The following CAMK2B variants were observed in gnomAD, a reference collection of about 807,000 sequenced individuals.
CAMK2B encodes calcium/calmodulin-dependent protein kinase type II subunit beta.
A neutral mutation model predicts 93.7 loss-of-function variants in CAMK2B; 27 were observed. The observed-to-expected ratio is 0.29, with a 90% CI of 0.21 to 0.40. The LOEUF (loss-of-function observed/expected upper bound fraction) is 0.40, where lower values mean the gene tolerates loss of function less well. Ranked by LOEUF, CAMK2B falls within the 10% of genes least tolerant of loss-of-function variation. CAMK2B has a pLI of 1.00. For synonymous variants in CAMK2B, 374 were observed against 358.8 expected (o/e 1.04, Z -0.48); for missense variants, 568 against 895.8 (o/e 0.63, Z 4.67).
intron 1 of CAMK2B, among the ~76,000 whole-genome samples, chr7:44,308,598 C>T (rs981370682): frequency 1.3e-5 from 2 of 152,172 alleles, no homozygotes; most frequent in East Asian, 1.9e-4. Flanking sequence ...CAGGGACACC[C>T]GGAGGGCAGG....
chr7:44,243,210 C>A, intron 8 of CAMK2B, 40 bp downstream of exon 8: 1 of 1,498,962 alleles, frequency 6.7e-7, no homozygotes, highest in Non-Finnish European at 9.3e-7. Flanking sequence ...TCCTGAAACA[C>A]CCGAGGCCCT....
chr7:44,302,938 T>A (rs1252089673), intron 1 of CAMK2B, among the ~76,000 whole-genome samples: 2 of 152,128 alleles, frequency 1.3e-5, no homozygotes, highest in Non-Finnish European at 2.9e-5. Context: ...AAATAAAAGA[T>A]ACACTTATTG....
intron 1 of CAMK2B, among the ~76,000 whole-genome samples, chr7:44,292,839 A>G (rs1787232594): frequency 6.6e-6 from 1 of 152,226 alleles, no homozygotes; most frequent in Admixed American, 6.5e-5. Context: ...GATGAAATGA[A>G]CACATTAACA....
intron 11 of CAMK2B, among the ~76,000 whole-genome samples, chr7:44,241,443 A>G (rs2096677850): frequency 6.6e-6 from 1 of 152,242 alleles, no homozygotes. Flanking sequence ...CGAGCGCTTC[A>G]GGACAGCTCC....
At position 44,234,683 on chromosome 7, in the gene CAMK2B, C is replaced by T; in HGVS notation, c.1022-7G>A. On this transcript the variant is annotated splice_polypyrimidine_tract_variant and splice_region_variant and intron_variant, in intron 13 of 23. Transcript: ENST00000395749. ...TTGTTGAGTAAACTCTTGGCTGCTG[C>T]ATGGGGAGGAAGAAGGTATGGTGAG... 3.7e-6 allele frequency: 6 copies of T among 1,614,030 alleles called. No homozygotes were observed. The highest frequency in any genetic ancestry group is 1.1e-5 in the South Asian group (1 of 91,080).
chr7:44,222,082 TCACA>T (rs1414802913), intron 20 of CAMK2B, among the ~76,000 whole-genome samples: 1 of 151,986 alleles, frequency 6.6e-6, no homozygotes, highest in Non-Finnish European at 1.5e-5. Flanking sequence ...ACATGCACAC[TCACA>T]CACAGAACAC....
At chr7:44,236,002 C>G (rs1456166862) in intron 13 of CAMK2B, among the ~76,000 whole-genome samples, 1 of 152,238 alleles carries the variant, frequency 6.6e-6, no homozygotes, top group East Asian at 1.9e-4. Context: ...GCAGCAGCAG[C>G]AGCAGAATCG....
At chr7:44,247,624 G>A (rs76576593) in intron 5 of CAMK2B, among the ~76,000 whole-genome samples, 1 of 151,426 alleles carries the variant, frequency 6.6e-6, no homozygotes, top group East Asian at 2.0e-4. Flanking sequence ...GCGGCTGGGG[G>A]TGGGGGCAGG....
Position 44,248,289 on chromosome 7 carries a change from G to A in CAMK2B, c.342-1097C>T, listed in dbSNP as rs2096749852. On this transcript the variant is annotated intron_variant, in intron 5 of 23. Coordinates refer to ENST00000395749, the MANE Select transcript of CAMK2B (RefSeq NM_001220.5). This position sits in a 1 kb window ranked among gnomAD's most constrained non-coding sequence, Gnocchi z 4.1. ...CTGGCTGGGAGGAGAGGTCCAAGCTGCTCTCAGGCCACCTCCCTGACACCT... is the reference window on the plus strand; with the variant it reads ...CTGGCTGGGAGGAGAGGTCCAAGCTACTCTCAGGCCACCTCCCTGACACCT... Among the ~76,000 whole-genome samples the A allele has an allele frequency of 6.6e-6, 1 of 152,128 alleles. No individual in the cohort carries two copies. The highest frequency in any genetic ancestry group is 1.5e-5 in the Non-Finnish European group (1 of 68,010).
rs1562755404 is a variant in CAMK2B at position 44,219,282 on chromosome 7, T to TG, written c.*242dup. 7.3e-6 allele frequency: 1 copy of TG among 137,016 alleles called. No homozygotes were observed. The highest frequency in any genetic ancestry group is 2.3e-4 in the South Asian group (1 of 4,358). The allele number at this position is 137,016 out of a possible 1,614,324, so 8.5% of individuals were successfully genotyped here. A position where few individuals can be genotyped will look rare whatever the true frequency, so the allele number is the denominator to read the frequency against. On this transcript the variant is annotated 3_prime_UTR_variant, in exon 24 of 24. Coordinates refer to ENST00000395749, the MANE Select transcript of CAMK2B (RefSeq NM_001220.5). The stretch of plus-strand genomic sequence containing the variant: ...GCTTTTTCCTTCCTTTAGTTTTTTT[T>TG]GTTTTTTTTTTTTTTCATTTCATCT...
At chr7:44,245,118 A>T in intron 6 of CAMK2B, 2 of 377,602 alleles carry the variant, frequency 5.3e-6, no homozygotes, top group East Asian at 7.9e-5. Flanking sequence ...GAAACAGACC[A>T]GCAGTTCTTC....
intron 2 of CAMK2B, 23 bp downstream of exon 2, chr7:44,284,108 G>C: frequency 6.4e-7 from 1 of 1,567,726 alleles, no homozygotes; most frequent in Non-Finnish European, 8.8e-7. Flanking sequence ...CAGCAGCTGC[G>C]CAGGACACTC....
chr7:44,245,482 C>T (rs188951333), intron 6 of CAMK2B, among the ~76,000 whole-genome samples: 3 of 152,352 alleles, frequency 2.0e-5, no homozygotes, highest in Non-Finnish European at 2.9e-5. Context: ...CTGACCTCTA[C>T]TTCTATGCCT....
chr7:44,241,918 T>C (rs1584080795), intron 10 of CAMK2B, 135 bp from the exon 11 acceptor site: 1 of 718,970 alleles, frequency 1.4e-6, no homozygotes, highest in East Asian at 2.6e-5. Context: ...GGGTTGTCTG[T>C]CCCCACCCGC....
chr7:44,252,123 G>A (rs1220196865), intron 5 of CAMK2B, among the ~76,000 whole-genome samples: 1 of 152,120 alleles, frequency 6.6e-6, no homozygotes, highest in African/African-American at 2.4e-5. Context: ...TCAAGGCCGC[G>A]CCTGTGGATT....
chr7:44,284,086 G>A (rs763780895), intron 2 of CAMK2B, 45 bp downstream of exon 2: 19 of 1,459,524 alleles, frequency 1.3e-5, no homozygotes, highest in Non-Finnish European at 1.8e-5. Flanking sequence ...CAAAGCCCCT[G>A]CCCCAGCCTG....
At chr7:44,262,771 A>G (rs12702071) in intron 3 of CAMK2B, among the ~76,000 whole-genome samples, 33,151 of 152,042 alleles carry the variant, frequency 0.22, 3,912 homozygotes, top group Non-Finnish European at 0.27. Flanking sequence ...CCAGAGCCCC[A>G]CCTTGGGGCT....
rs77286453 is a variant in CAMK2B, at chr7:44,310,204, A to G, written c.65+15153T>C. On this transcript the variant is annotated intron_variant, in intron 1 of 23. Coordinates refer to ENST00000395749, the MANE Select transcript of CAMK2B (RefSeq NM_001220.5). ...CAGATCAATCAGATTTCATCCTTCG[A>G]AAGTTTTATTCTCAAGGAATGCAAA... 4.9e-3 allele frequency among the ~76,000 whole-genome samples: 744 copies of G among 152,372 alleles called. 5 individuals carry two copies. Among genetic ancestry groups the G allele is most frequent in the African/African-American group, 0.017 (719 of 41,584 alleles).
At chr7:44,252,773 C>G (rs2096792191) in intron 5 of CAMK2B, among the ~76,000 whole-genome samples, 1 of 152,196 alleles carries the variant, frequency 6.6e-6, no homozygotes, top group African/African-American at 2.4e-5. Flanking sequence ...GCAGCAGGCT[C>G]TGTGACATAT....
Sources: allele counts gnomAD v4.1 joint callset (sites outside exome capture counted in the v4.1 genomes callset), GRCh38; gene constraint gnomAD v4.1.1; non-coding constraint Gnocchi (gnomAD v3.1); transcripts MANE v1.5; gene names NCBI Gene and HGNC (gene_info 2026-07-23, HGNC 2026-07-21).